NDRG1: variants seen among roughly 807,000 people sequenced by gnomAD.
NDRG1 encodes the protein protein NDRG1.
A neutral mutation model predicts 56.9 loss-of-function variants in NDRG1; 32 were observed. The observed-to-expected ratio is 0.56, with a 90% CI of 0.42 to 0.76. The LOEUF is 0.76. Ranked by LOEUF, NDRG1 falls within the 30% of genes least tolerant of loss-of-function variation. The probability of loss-of-function intolerance (pLI) is 0.00; values close to 1 mark genes in which losing one functional copy is unlikely to be tolerated. For synonymous variants in NDRG1, 211 were observed against 204.1 expected (o/e 1.03, Z -0.29); for missense variants, 507 against 545.7 (o/e 0.93, Z 0.71).
chr8:133,255,596 T>TA, intron 8 of NDRG1: 1 of 340,566 alleles, frequency 2.9e-6, no homozygotes, highest in South Asian at 2.2e-5. Flanking sequence ...GAAAATCAAA[T>TA]AAAAAACAGG....
chr8:133,250,356 T>C lies in NDRG1; in HGVS notation c.698+84A>G, dbSNP rs11575973. 0.13 allele frequency: 153,817 copies of C among 1,221,396 alleles called. 11,357 individuals carry two copies. The highest frequency in any genetic ancestry group is 0.15 in the Non-Finnish European group (123,168 of 822,372). 75.7% of individuals were successfully genotyped at this position (1,221,396 alleles called of 1,614,324 possible). A position where few individuals can be genotyped will look rare whatever the true frequency, so the allele number is the denominator to read the frequency against. On this transcript the variant is annotated intron_variant, in intron 10 of 15. Transcript: ENST00000323851. ...CCTGCCTCTTCCGCTCATTTTATACTCTCCCTCTCATCTGTCCCACATTTC... is the reference window on the plus strand; with the variant it reads ...CCTGCCTCTTCCGCTCATTTTATACCCTCCCTCTCATCTGTCCCACATTTC...
chr8:133,244,218 C>T, intron 14 of NDRG1, 137 bp downstream of exon 14: 1 of 1,087,426 alleles, frequency 9.2e-7, no homozygotes, highest in South Asian at 1.3e-5. Context: ...TCCTATATAG[C>T]ACCTTTTCCC....
At chr8:133,280,685 C>T (rs1442065481) in intron 2 of NDRG1, among the ~76,000 whole-genome samples, 1 of 152,130 alleles carries the variant, frequency 6.6e-6, no homozygotes, top group Non-Finnish European at 1.5e-5. Flanking sequence ...CCACCTGCCT[C>T]GGCCTCCCAA....
intron 5 of NDRG1, among the ~76,000 whole-genome samples, chr8:133,261,761 T>C (rs1856669329): frequency 6.6e-6 from 1 of 152,148 alleles, no homozygotes; most frequent in Admixed American, 6.5e-5. Context: ...ATCTGATAAG[T>C]ATGTTGTTTC....
At chr8:133,270,570 T>C (rs1430753752) in intron 3 of NDRG1, among the ~76,000 whole-genome samples, 4 of 152,256 alleles carry the variant, frequency 2.6e-5, no homozygotes, top group African/African-American at 7.2e-5. Flanking sequence ...ACCTTTTGAT[T>C]CTTGTCCTTT....
intron 1 of NDRG1, among the ~76,000 whole-genome samples, chr8:133,293,435 G>C (rs892757481): frequency 6.6e-6 from 1 of 152,146 alleles, no homozygotes; most frequent in Non-Finnish European, 1.5e-5. Context: ...GGCTCACCTT[G>C]GGCAGAACCC....
intron 2 of NDRG1, among the ~76,000 whole-genome samples, chr8:133,282,245 T>G (rs1269503514): frequency 6.6e-6 from 1 of 152,186 alleles, no homozygotes; most frequent in African/African-American, 2.4e-5. Context: ...TCTGAGAACT[T>G]TTTTCTAGGG....
rs534010401 is a variant in NDRG1 at position 133,283,847 on chromosome 8, C to T, written c.63+402G>A. 9.8e-5 allele frequency among the ~76,000 whole-genome samples: 15 copies of T among 152,330 alleles called. 1 individual carries two copies. In the South Asian group the frequency reaches 3.1e-3, roughly 32 times the overall value. ...AGCTGAGGCAGGCAGTCCCTATGGG[C>T]AACTGGGCCCCATGTTGCATGTTCT... On this transcript the variant is annotated intron_variant, in intron 2 of 15. Coordinates refer to ENST00000323851, the MANE Select transcript of NDRG1 (RefSeq NM_006096.4).
At chr8:133,270,188 T>A (rs770583259) in intron 3 of NDRG1, among the ~76,000 whole-genome samples, 71 of 152,366 alleles carry the variant, frequency 4.7e-4, no homozygotes, top group Middle Eastern at 3.4e-3. Flanking sequence ...ACTGCCTATA[T>A]GCTGGCAAGT....
intron 1 of NDRG1, chr8:133,296,441 C>T (rs1254320325): frequency 8.8e-6 from 4 of 455,216 alleles, no homozygotes; most frequent in Admixed American, 4.7e-5. Context: ...ACACTTGCTC[C>T]GGCTCGCGTG....
intron 2 of NDRG1, among the ~76,000 whole-genome samples, chr8:133,281,971 A>G (rs896748644): frequency 6.6e-6 from 1 of 152,212 alleles, no homozygotes; most frequent in Non-Finnish European, 1.5e-5. Flanking sequence ...GGACAGACAC[A>G]AGGAAGAACT....
At chr8:133,241,111 AAC>A (rs1855356855) in intron 15 of NDRG1, 1 of 152,256 alleles carries the variant, frequency 6.6e-6, no homozygotes, top group Non-Finnish European at 1.5e-5. Flanking sequence ...TACATGGGCA[AAC>A]AGTTTAAGGA....
rs374903958 is a variant in NDRG1 at position 133,287,530 on chromosome 8, C to G, written c.-18-3201G>C. ...ACAGTCCCGAGGGGACAGGCACTCC[C>G]TTGGGCTCACTCATCAGGCTGCATC... On this transcript the variant is annotated intron_variant, in intron 1 of 15. Transcript: ENST00000323851. 1.5e-4 allele frequency among the ~76,000 whole-genome samples: 23 copies of G among 152,364 alleles called. No homozygotes were observed. The East Asian group carries it at 4.2e-3, about 28-fold the overall frequency.
In NDRG1 at chr8:133,238,936, G is replaced by T. The variant is rs1588216190; in HGVS notation, c.1127C>A (p.Pro376His). 3.2e-6 allele frequency: 5 copies of T among 1,570,568 alleles called. No homozygotes were observed. In the East Asian group the frequency reaches 1.2e-4, roughly 37 times the overall value. ...TSEGAHLDIT[P>H]NSGAAGNSAG... ...GCTGTTCCCAGCAGCACCCGAGTTG[G>T]GGGTGATGTCCAGGTGGGCCCCCTC... The change falls in exon 16 of 16, where the codon CCC becomes CAC. Residue 376 changes from proline to histidine, a missense_variant. Transcript: ENST00000323851.
intron 1 of NDRG1, among the ~76,000 whole-genome samples, chr8:133,290,167 CT>C (rs1264000922): frequency 6.6e-6 from 1 of 152,182 alleles, no homozygotes; most frequent in Non-Finnish European, 1.5e-5. Flanking sequence ...TGCACACCCT[CT>C]TGAGCAAACT....
intron 3 of NDRG1, 82 bp downstream of exon 3, chr8:133,280,150 A>G: frequency 6.5e-7 from 1 of 1,533,798 alleles, no homozygotes; most frequent in Non-Finnish European, 9.0e-7. Flanking sequence ...TTGCACAATG[A>G]TCTACTTAAA....
At chr8:133,280,133 G>T in intron 3 of NDRG1, 99 bp downstream of exon 3, 1 of 1,441,970 alleles carries the variant, frequency 6.9e-7, no homozygotes. Context: ...CCCCTTGCCC[G>T]CAATGTTTGC....
chr8:133,242,091 G>C lies in NDRG1; in HGVS notation c.892-17C>G, dbSNP rs528196722. The C allele has an allele frequency of 1.8e-5, 29 of 1,614,102 alleles. No homozygotes were observed. Among genetic ancestry groups the C allele is most frequent in the Non-Finnish European group, 2.5e-5 (29 of 1,180,038 alleles). ...CTTGGCCGGCTGCGAGAGACAAGGA[G>C]AGAAAATGCAGTCAGTTGCTGGGGA... On this transcript the variant is annotated splice_polypyrimidine_tract_variant and intron_variant, in intron 14 of 15. Coordinates refer to ENST00000323851, the MANE Select transcript of NDRG1 (RefSeq NM_006096.4).
Position 133,248,791 on chromosome 8 carries a change from C to G in NDRG1, c.699-20G>C, listed in dbSNP as rs1207871120. On this transcript the variant is annotated intron_variant, in intron 10 of 15. Coordinates refer to ENST00000323851, the MANE Select transcript of NDRG1 (RefSeq NM_006096.4). Reference sequence around the variant, plus strand: ...CGCCGGCTGCAGGAAACAAATGCATCATTAGCATGAGGACCCCTCCCCTGG... The same window carrying G: ...CGCCGGCTGCAGGAAACAAATGCATGATTAGCATGAGGACCCCTCCCCTGG... 6.2e-7 allele frequency: 1 copy of G among 1,614,048 alleles called. No homozygotes were observed. The highest frequency in any genetic ancestry group is 1.1e-5 in the South Asian group (1 of 91,080).
Sources: gnomAD v4.1 joint callset for allele counts (sites outside exome capture counted in the v4.1 genomes callset) on GRCh38, gnomAD v4.1.1 for gene constraint, MANE v1.5 for transcripts, NCBI Gene and HGNC (gene_info 2026-07-23, HGNC 2026-07-21) for gene names.